ZNF714: variants seen among roughly 807,000 people sequenced by gnomAD.
ZNF714 encodes the protein zinc finger protein 714.
A neutral mutation model predicts 46.2 loss-of-function variants in ZNF714; 32 were observed. That is an observed-to-expected ratio of 0.69 (90% CI 0.52 to 0.93). The LOEUF (loss-of-function observed/expected upper bound fraction) is 0.93. Among genes scored for constraint, ZNF714 ranks in the 40% least tolerant of loss-of-function variants. The probability of loss-of-function intolerance (pLI) is 0.00; values close to 1 mark genes in which losing one functional copy is unlikely to be tolerated. For missense variants in ZNF714, 635 were observed against 646.3 expected (o/e 0.98, Z 0.19); for synonymous variants, 199 against 213.1 (o/e 0.93, Z 0.58).
At position 21,096,429 on chromosome 19, in the gene ZNF714, C is replaced by T. The variant is rs74929985; in HGVS notation, c.-84-1756C>T. On this transcript the variant is annotated intron_variant, in intron 2 of 4. Transcript: ENST00000456283. ...AATGCTTCTTTTCAGCTAAACATATCTCAGATCAAGAGCTGTGTCCACTCT... is the reference window on the plus strand; with the variant it reads ...AATGCTTCTTTTCAGCTAAACATATTTCAGATCAAGAGCTGTGTCCACTCT... Among the ~76,000 whole-genome samples the T allele has an allele frequency of 1.4e-3, 211 of 152,302 alleles. 1 individual carries two copies. The Middle Eastern group carries it at 0.017, about 12-fold the overall frequency.
chr19:21,095,499 G>A (rs978913722), intron 2 of ZNF714, among the ~76,000 whole-genome samples: 1 of 150,802 alleles, frequency 6.6e-6, no homozygotes, highest in Non-Finnish European at 1.5e-5. Context: ...GTCTCGCTCT[G>A]TCACCCAGGC....
chr19:21,112,843 G>A (rs1490817588), intron 4 of ZNF714, among the ~76,000 whole-genome samples: 5 of 11,624 alleles, frequency 4.3e-4, no homozygotes, highest in Non-Finnish European at 1.5e-3. Flanking sequence ...TTTTTTTTGA[G>A]ACGGAGTCTC....
intron 2 of ZNF714, among the ~76,000 whole-genome samples, chr19:21,093,533 T>G (rs35570332): frequency 3.9e-5 from 5 of 129,048 alleles, no homozygotes; most frequent in Admixed American, 2.2e-4. Flanking sequence ...GCCCAGCTTG[T>G]TTTTTTTTGT....
Position 21,117,927 on chromosome 19 carries a change from A to C in ZNF714, c.1263A>C (p.Gly421=), listed in dbSNP as rs890281967. The C allele has an allele frequency of 1.2e-6, 2 of 1,613,002 alleles. No individual in the cohort carries two copies. Among genetic ancestry groups the C allele is most frequent in the African/African-American group, 2.7e-5 (2 of 74,912 alleles). ...NLTKHKIIHT[G]EKLYKCEECG... ...CCAAACATAAGATAATTCATACTGG[A>C]GAGAAACTCTACAAATGTGAAGAAT... Residue 421 remains glycine (G), a synonymous_variant, in exon 5 of 5, where the codon GGA becomes GGC. Transcript: ENST00000456283.
intron 4 of ZNF714, among the ~76,000 whole-genome samples, chr19:21,111,824 A>C (rs541038500): frequency 1.3e-5 from 2 of 152,318 alleles, no homozygotes; most frequent in South Asian, 4.1e-4. Flanking sequence ...CCTTTTCTGC[A>C]TCTATTGAGA....
At chr19:21,083,364 A>T (rs1278978689) in intron 1 of ZNF714, among the ~76,000 whole-genome samples, 1 of 152,094 alleles carries the variant, frequency 6.6e-6, no homozygotes, top group Non-Finnish European at 1.5e-5. Context: ...GAATCCAGGG[A>T]CTAGAGACAC....
At chr19:21,114,309 G>A (rs151265069) in intron 4 of ZNF714, among the ~76,000 whole-genome samples, 9,020 of 151,806 alleles carry the variant, frequency 0.059, 659 homozygotes, top group African/African-American at 0.18. Flanking sequence ...GGTGGCGGGT[G>A]CCTGTAGTCC....
At chr19:21,108,117 T>C (rs1969365845) in intron 4 of ZNF714, among the ~76,000 whole-genome samples, 1 of 152,118 alleles carries the variant, frequency 6.6e-6, no homozygotes, top group East Asian at 1.9e-4. Flanking sequence ...TAGTAATGGG[T>C]CTCACTAGAC....
chr19:21,121,337 C>A lies in ZNF714; in HGVS notation c.*3005C>A, dbSNP rs1969701287. On this transcript the variant is annotated 3_prime_UTR_variant, in exon 5 of 5. Coordinates refer to ENST00000456283, the MANE Select transcript of ZNF714 (RefSeq NM_182515.4). ...CCTCCCAAAGTGCTGGGATTACAGG[C>A]ATGAGCCACCGTGCCCGGCCACTTT... The A allele has an allele frequency of 6.6e-6, 1 of 152,170 alleles. No individual in the cohort carries two copies. The highest frequency in any genetic ancestry group is 1.5e-5 in the Non-Finnish European group (1 of 68,032). 9.4% of individuals were successfully genotyped at this position (152,170 alleles called of 1,614,324 possible).
intron 4 of ZNF714, among the ~76,000 whole-genome samples, chr19:21,112,536 A>ATTTTT (rs34412157): frequency 4.9e-5 from 7 of 143,822 alleles, no homozygotes; most frequent in South Asian, 2.3e-4. Context: ...GGATTCATTG[A>ATTTTT]TTTTTTTTTT....
intron 4 of ZNF714, chr19:21,113,249 T>C (rs1969503344): frequency 6.6e-6 from 1 of 152,128 alleles, no homozygotes. Context: ...CAGCCTCTGA[T>C]TTAATTTTAT....
chr19:21,117,801 C>A lies in ZNF714; in HGVS notation c.1137C>A (p.Asn379Lys). ...YKCEECGKAF[N>K]HSSKLTIHKI... ...GTGAAGAATGTGGCAAAGCCTTTAACCACTCCTCAAAACTTACTATACATA... is the reference window on the plus strand; with the variant it reads ...GTGAAGAATGTGGCAAAGCCTTTAAACACTCCTCAAAACTTACTATACATA... The change falls in exon 5 of 5, where the codon AAC becomes AAA. Residue 379 changes from asparagine (N) to lysine (K), a missense_variant. Asn to Lys is a moderately conservative substitution (Grantham distance 94, BLOSUM62 0). Coordinates refer to ENST00000456283, the MANE Select transcript of ZNF714 (RefSeq NM_182515.4). 4 of 1,612,338 alleles carry A rather than the reference C, an allele frequency of 2.5e-6. No individual in the cohort carries two copies. The highest frequency in any genetic ancestry group is 1.7e-5 in the Admixed American group (1 of 59,948).
chr19:21,101,860 T>TTAC (rs1969189347), intron 4 of ZNF714, among the ~76,000 whole-genome samples: 1 of 152,160 alleles, frequency 6.6e-6, no homozygotes, highest in South Asian at 2.1e-4. Context: ...AGGGGTCCTG[T>TTAC]AGTTTCTCAC....
intron 2 of ZNF714, among the ~76,000 whole-genome samples, chr19:21,085,379 G>C (rs954799486): frequency 1.3e-5 from 2 of 151,946 alleles, no homozygotes; most frequent in African/African-American, 4.8e-5. Flanking sequence ...ATGACTAATT[G>C]TTTACTACAT....
Position 21,124,273 on chromosome 19 carries a change from AT to A in ZNF714, c.*5943del, listed in dbSNP as rs1969757365. On this transcript the variant is annotated 3_prime_UTR_variant, in exon 5 of 5. Transcript: ENST00000456283. ...AAGATACAGTATTTGACACATTCTT[AT>A]TCTATAACATTTTGAAAATATTTTC... 6.6e-6 allele frequency: 1 copy of A among 152,194 alleles called. No individual in the cohort carries two copies. 9.4% of individuals were successfully genotyped at this position (152,194 alleles called of 1,614,324 possible). A position where few individuals can be genotyped will look rare whatever the true frequency, so the allele number is the denominator to read the frequency against.
intron 2 of ZNF714, among the ~76,000 whole-genome samples, chr19:21,090,273 A>G (rs1294856750): frequency 6.6e-6 from 1 of 152,242 alleles, no homozygotes; most frequent in Non-Finnish European, 1.5e-5. Flanking sequence ...AGGGGGCCAG[A>G]GAAAGACCTA....
chr19:21,099,381 T>C (rs1437108151), intron 4 of ZNF714, among the ~76,000 whole-genome samples: 2 of 152,136 alleles, frequency 1.3e-5, no homozygotes, highest in East Asian at 1.9e-4. Flanking sequence ...GTTTTTACCA[T>C]GTTGGCCAGG....
intron 2 of ZNF714, among the ~76,000 whole-genome samples, chr19:21,097,547 A>G (rs1969071832): frequency 6.6e-6 from 1 of 151,946 alleles, no homozygotes; most frequent in Non-Finnish European, 1.5e-5. Context: ...ATCACATTTA[A>G]TCTGGCACCT....
chr19:21,108,993 C>T (rs1969385885), intron 4 of ZNF714, among the ~76,000 whole-genome samples: 2 of 152,010 alleles, frequency 1.3e-5, no homozygotes, highest in Non-Finnish European at 1.5e-5. Context: ...CCCATTTGAC[C>T]ATTATGTAAT....
Sources: gnomAD v4.1 joint callset for allele counts (sites outside exome capture counted in the v4.1 genomes callset) on GRCh38, gnomAD v4.1.1 for gene constraint, MANE v1.5 for transcripts, NCBI Gene and HGNC (gene_info 2026-07-23, HGNC 2026-07-21) for gene names.